RUNDC3B: variants seen among roughly 807,000 people sequenced by gnomAD.
RUNDC3B encodes RUN domain-containing protein 3B.
In RUNDC3B, 33 loss-of-function variants were observed where a neutral mutation model predicts 58.4. The observed-to-expected ratio is 0.56, with a 90% CI of 0.43 to 0.75. The LOEUF is 0.75. Among genes scored for constraint, RUNDC3B ranks in the 30% least tolerant of loss-of-function variants. The pLI is 0.00. For missense variants in RUNDC3B, 501 were observed against 535.7 expected (o/e 0.94, Z 0.64); for synonymous variants, 193 against 195.2 (o/e 0.99, Z 0.10).
chr7:87,807,871 A>C (rs1303585906), intron 9 of RUNDC3B, among the ~76,000 whole-genome samples: 1 of 152,136 alleles, frequency 6.6e-6, no homozygotes, highest in African/African-American at 2.4e-5. Flanking sequence ...AAAGATATTT[A>C]CTTGTTCCTG....
In RUNDC3B at chr7:87,814,497, TA is replaced by T. The variant is rs1369881201; in HGVS notation, c.1104-1642del. Among the ~76,000 whole-genome samples the T allele has an allele frequency of 2.0e-5, 3 of 152,336 alleles. No individual in the cohort carries two copies. The East Asian group carries it at 5.8e-4, about 29-fold the overall frequency. On this transcript the variant is annotated intron_variant, in intron 9 of 10. Coordinates refer to ENST00000394654, the MANE Select transcript of RUNDC3B (RefSeq NM_001134405.2). ...TAAGGAGAGAGAATTAGAGCCAGAC[TA>T]ACAGGTTTAAATCTAATCTCTTTGT...
At chr7:87,726,388 G>GATCA (rs1431916995) in intron 4 of RUNDC3B, among the ~76,000 whole-genome samples, 4 of 152,198 alleles carry the variant, frequency 2.6e-5, no homozygotes, top group African/African-American at 9.7e-5. Context: ...GTTCGTCAAA[G>GATCA]ATCAGATGGT....
chr7:87,698,171 C>T (rs1828667398), intron 2 of RUNDC3B, among the ~76,000 whole-genome samples: 1 of 152,196 alleles, frequency 6.6e-6, no homozygotes, highest in African/African-American at 2.4e-5. Context: ...ACGATCTCGG[C>T]TCACTGCAAG....
chr7:87,644,089 C>G (rs1480973773), intron 1 of RUNDC3B, among the ~76,000 whole-genome samples: 2 of 151,696 alleles, frequency 1.3e-5, no homozygotes, highest in East Asian at 1.9e-4. Flanking sequence ...AAACTCCTGA[C>G]CTCAGGTGAT....
At chr7:87,703,269 G>C (rs538693443) in intron 3 of RUNDC3B, among the ~76,000 whole-genome samples, 1 of 150,668 alleles carries the variant, frequency 6.6e-6, no homozygotes, top group East Asian at 1.9e-4. Flanking sequence ...TTTTCTTTTG[G>C]AAAATTTTTG....
intron 3 of RUNDC3B, among the ~76,000 whole-genome samples, chr7:87,701,091 A>C (rs1345084040): frequency 2.0e-5 from 3 of 152,250 alleles, no homozygotes; most frequent in Admixed American, 2.0e-4. Flanking sequence ...GGAAGTATGC[A>C]TAAAGCATTT....
intron 2 of RUNDC3B, among the ~76,000 whole-genome samples, chr7:87,674,998 ACAG>A (rs939061253): frequency 6.6e-6 from 1 of 152,198 alleles, no homozygotes; most frequent in African/African-American, 2.4e-5. Flanking sequence ...CCCTGTACCT[ACAG>A]CCTTTTCAGG....
At chr7:87,698,828 G>A (rs1828746604) in intron 2 of RUNDC3B, among the ~76,000 whole-genome samples, 1 of 152,164 alleles carries the variant, frequency 6.6e-6, no homozygotes, top group African/African-American at 2.4e-5. Context: ...TGCCAACAGA[G>A]GGACTAGCTG....
chr7:87,830,196 T>C lies in RUNDC3B; in HGVS notation c.*166T>C. 1 of 395,722 alleles carries C rather than the reference T, an allele frequency of 2.5e-6. No individual in the cohort carries two copies. The highest frequency in any genetic ancestry group is 6.5e-4 in the Middle Eastern group (1 of 1,528). 24.5% of individuals were successfully genotyped at this position (395,722 alleles called of 1,614,324 possible). ...AAGAGATTTTGAGTGAAAAACATAA[T>C]GATCCTGCCATTTTTCATTTTTAAA... On this transcript the variant is annotated 3_prime_UTR_variant, in exon 11 of 11. Transcript: ENST00000394654.
At chr7:87,770,430 A>G (rs1834215431) in intron 6 of RUNDC3B, 151 bp from the exon 7 acceptor site, 3 of 673,944 alleles carry the variant, frequency 4.5e-6, no homozygotes, top group South Asian at 4.4e-5. Flanking sequence ...TTTTTTTTTC[A>G]GGAAGCTTAA....
intron 6 of RUNDC3B, among the ~76,000 whole-genome samples, chr7:87,762,480 C>T (rs990686695): frequency 4.0e-5 from 6 of 151,224 alleles, no homozygotes; most frequent in Non-Finnish European, 8.9e-5. Context: ...GTATTGTCTG[C>T]TTGAAAAATC....
chr7:87,681,367 C>A (rs866197408), intron 2 of RUNDC3B, among the ~76,000 whole-genome samples: 1 of 150,408 alleles, frequency 6.6e-6, no homozygotes, highest in African/African-American at 2.5e-5. Flanking sequence ...CAAAATATTA[C>A]AAGAAAAGGA....
chr7:87,735,371 A>C (rs1016779063), intron 4 of RUNDC3B, among the ~76,000 whole-genome samples: 1 of 152,130 alleles, frequency 6.6e-6, no homozygotes, highest in Non-Finnish European at 1.5e-5. Context: ...CTGACCTTCC[A>C]GTTTGCCCCC....
chr7:87,726,911 T>A (rs1399362044), intron 4 of RUNDC3B, among the ~76,000 whole-genome samples: 1 of 152,158 alleles, frequency 6.6e-6, no homozygotes, highest in Non-Finnish European at 1.5e-5. Flanking sequence ...TGTATAAGAA[T>A]GCTTGTGATT....
intron 10 of RUNDC3B, 55 bp from the exon 11 acceptor site, chr7:87,829,830 T>C: frequency 7.8e-7 from 1 of 1,281,152 alleles, no homozygotes; most frequent in Non-Finnish European, 1.1e-6. Context: ...TAGGATCTTA[T>C]TTGTATCATT....
At chr7:87,656,571 A>G (rs1824124855) in intron 2 of RUNDC3B, among the ~76,000 whole-genome samples, 1 of 152,114 alleles carries the variant, frequency 6.6e-6, no homozygotes, top group African/African-American at 2.4e-5. Context: ...AAGCAAGGGA[A>G]GATAAAGGGG....
intron 2 of RUNDC3B, among the ~76,000 whole-genome samples, chr7:87,694,934 T>C (rs934427377): frequency 6.6e-6 from 1 of 152,190 alleles, no homozygotes; most frequent in African/African-American, 2.4e-5. Context: ...TTTAGATATT[T>C]GTATATGTTT....
chr7:87,763,009 A>G (rs747158235), intron 6 of RUNDC3B, among the ~76,000 whole-genome samples: 28 of 151,242 alleles, frequency 1.9e-4, no homozygotes, highest in Non-Finnish European at 3.7e-4. Flanking sequence ...ATTTCTTTTT[A>G]TATCCTTTAT....
chr7:87,829,232 G>T (rs1278363235), intron 10 of RUNDC3B, among the ~76,000 whole-genome samples: 1 of 152,170 alleles, frequency 6.6e-6, no homozygotes, highest in African/African-American at 2.4e-5. Flanking sequence ...TGGATGCAGA[G>T]TTTACAAATA....
Sources: gnomAD v4.1 joint callset for allele counts (sites outside exome capture counted in the v4.1 genomes callset) on GRCh38, gnomAD v4.1.1 for gene constraint, MANE v1.5 for transcripts, NCBI Gene and HGNC (gene_info 2026-07-23, HGNC 2026-07-21) for gene names.